Variants in NAALADL2 observed in about 807,000 individuals in gnomAD.
NAALADL2 encodes N-acetylated alpha-linked acidic dipeptidase like 2.
A neutral mutation model predicts 87.2 loss-of-function variants in NAALADL2; 76 were observed. The observed-to-expected ratio is 0.87, with a 90% CI of 0.72 to 1.05. The LOEUF is 1.05. Among genes scored for constraint, NAALADL2 ranks in the 50% least tolerant of loss-of-function variants. The pLI is 0.00. For missense variants in NAALADL2, 1,089 were observed against 945.8 expected, an observed-to-expected ratio of 1.15 and a Z score of -1.99; for synonymous variants, 354 against 331.0, an observed-to-expected ratio of 1.07 and a Z score of -0.75.
intron 1 of NAALADL2, among the ~76,000 whole-genome samples, chr3:174,976,802 C>A (rs1744416329): frequency 1.3e-5 from 2 of 152,104 alleles, no homozygotes; most frequent in Admixed American, 1.3e-4. Context: ...ATTTCTTTTC[C>A]AGTACCAATG....
chr3:175,059,983 T>C, intron 1 of NAALADL2: 2 of 437,144 alleles, frequency 4.6e-6, no homozygotes, highest in Admixed American at 2.7e-5. Context: ...CAGGTAATCA[T>C]TGAGCACATG....
At chr3:174,519,594 G>A (rs1720144420) in intron 1 of NAALADL2, among the ~76,000 whole-genome samples, 1 of 151,848 alleles carries the variant, frequency 6.6e-6, no homozygotes, top group Admixed American at 6.6e-5. Flanking sequence ...GCCTCTCAAA[G>A]TGCTGGGATT....
chr3:175,097,892 G>A (rs1446041884), intron 2 of NAALADL2, among the ~76,000 whole-genome samples: 2 of 152,152 alleles, frequency 1.3e-5, no homozygotes, highest in Non-Finnish European at 2.9e-5. Context: ...AATAGTCCTA[G>A]GTGAATCATG....
At chr3:174,445,623 C>T (rs1209698232) in intron 1 of NAALADL2, among the ~76,000 whole-genome samples, 2 of 152,110 alleles carry the variant, frequency 1.3e-5, no homozygotes, top group East Asian at 3.9e-4. Context: ...CCTCTCTTTC[C>T]TCACACATAT....
intron 2 of NAALADL2, among the ~76,000 whole-genome samples, chr3:174,606,122 A>T (rs900418948): frequency 1.3e-5 from 2 of 152,226 alleles, no homozygotes; most frequent in Non-Finnish European, 2.9e-5. Flanking sequence ...CTCTGTTAGA[A>T]GGAAAACTAA....
chr3:175,625,467 T>G (rs950980197), intron 10 of NAALADL2, among the ~76,000 whole-genome samples: 1 of 152,024 alleles, frequency 6.6e-6, no homozygotes, highest in Non-Finnish European at 1.5e-5. Context: ...CTTTTTAGAT[T>G]TAATTTTATT....
intron 10 of NAALADL2, among the ~76,000 whole-genome samples, chr3:175,616,352 T>C (rs891410149): frequency 6.6e-6 from 1 of 150,990 alleles, no homozygotes; most frequent in Non-Finnish European, 1.5e-5. Flanking sequence ...TTATTATTGC[T>C]ATCACTATTA....
chr3:175,489,106 C>T lies in NAALADL2; in HGVS notation c.1653+17348C>T, dbSNP rs140818877. Among the ~76,000 whole-genome samples the T allele has an allele frequency of 2.1e-3, 313 of 152,174 alleles. 1 individual carries two copies. Among genetic ancestry groups the T allele is most frequent in the African/African-American group, 6.3e-3 (262 of 41,508 alleles). On this transcript the variant is annotated intron_variant, in intron 9 of 13. Coordinates refer to ENST00000454872, the MANE Select transcript of NAALADL2 (RefSeq NM_207015.3). ...GATTGCTTTTGTGGATAAGTATTTA[C>T]GCTGACCCTAAAACTTCAAATAAAA...
At chr3:175,457,834 T>C (rs1722547628) in intron 6 of NAALADL2, among the ~76,000 whole-genome samples, 1 of 151,904 alleles carries the variant, frequency 6.6e-6, no homozygotes, top group Admixed American at 6.6e-5. Flanking sequence ...TTTACACTTA[T>C]TAGTTGAAAT....
chr3:175,438,850 T>A (rs929618757), intron 5 of NAALADL2, among the ~76,000 whole-genome samples: 3 of 151,988 alleles, frequency 2.0e-5, no homozygotes, highest in Admixed American at 1.3e-4. Context: ...TATGTATTTA[T>A]GTATTTATTT....
At chr3:175,691,936 T>C (rs1299177905) in intron 11 of NAALADL2, among the ~76,000 whole-genome samples, 1 of 152,150 alleles carries the variant, frequency 6.6e-6, no homozygotes, top group Non-Finnish European at 1.5e-5. Flanking sequence ...ACGGTAAACC[T>C]TTCACCTTCA....
intron 10 of NAALADL2, among the ~76,000 whole-genome samples, chr3:175,599,961 C>T (rs2149633151): frequency 6.6e-6 from 1 of 152,036 alleles, no homozygotes; most frequent in Non-Finnish European, 1.5e-5. Flanking sequence ...GAGAGCAGGA[C>T]AGTGTTATAT....
chr3:174,618,694 A>G (rs1347759507), intron 2 of NAALADL2, among the ~76,000 whole-genome samples: 3 of 151,896 alleles, frequency 2.0e-5, no homozygotes, highest in African/African-American at 7.2e-5. Context: ...TGGCGATCAC[A>G]ACCAAATATA....
intron 4 of NAALADL2, among the ~76,000 whole-genome samples, chr3:175,300,771 ATTTATTTATTTATTTAT>A (rs1756971593): frequency 7.0e-6 from 1 of 142,284 alleles, no homozygotes; most frequent in South Asian, 2.1e-4. Context: ...TTATTTATTT[ATTTATTTATTTATTTAT>A]TTTATTTTAT....
intron 9 of NAALADL2, among the ~76,000 whole-genome samples, chr3:175,553,517 T>C (rs1458981625): frequency 6.6e-6 from 1 of 152,176 alleles, no homozygotes; most frequent in Admixed American, 6.5e-5. Context: ...TATATAGCTC[T>C]TGTACTTACA....
chr3:174,718,769 A>G (rs979744396), intron 2 of NAALADL2, among the ~76,000 whole-genome samples: 5 of 152,242 alleles, frequency 3.3e-5, no homozygotes, highest in African/African-American at 1.2e-4. Flanking sequence ...TTACAGTCAC[A>G]GTACTTGCCG....
chr3:175,441,270 T>A (rs1719704713), intron 5 of NAALADL2, among the ~76,000 whole-genome samples: 3 of 152,176 alleles, frequency 2.0e-5, no homozygotes, highest in Admixed American at 6.6e-5. Flanking sequence ...TTCATGTGAA[T>A]TAAATGATAT....
chr3:175,102,830 C>T (rs1722445590), intron 2 of NAALADL2, among the ~76,000 whole-genome samples: 1 of 152,070 alleles, frequency 6.6e-6, no homozygotes, highest in Non-Finnish European at 1.5e-5. Context: ...TATAAATTGG[C>T]CAGGCACGGT....
chr3:175,755,498 A>G, intron 13 of NAALADL2, 80 bp downstream of exon 13: 7 of 1,057,984 alleles, frequency 6.6e-6, no homozygotes, highest in Non-Finnish European at 9.3e-6. Context: ...CATACCTTCT[A>G]TGAACATAAC....
Sources: gnomAD v4.1 joint callset for allele counts (sites outside exome capture counted in the v4.1 genomes callset) on GRCh38, gnomAD v4.1.1 for gene constraint, MANE v1.5 for transcripts, NCBI Gene and HGNC (gene_info 2026-07-23, HGNC 2026-07-21) for gene names.